The following SH2D4B variants were observed in gnomAD, a reference collection of about 807,000 sequenced individuals.
SH2D4B encodes SH2 domain containing 4B.
SH2D4B carries 45 observed loss-of-function variants against 61.5 expected under a neutral mutation model. That is an observed-to-expected ratio of 0.73 (90% CI 0.58 to 0.94). SH2D4B has a LOEUF of 0.94. Ranked by LOEUF, SH2D4B falls within the 40% of genes least tolerant of loss-of-function variation. The pLI, the probability that SH2D4B is intolerant of heterozygous loss-of-function variation, is 0.00. For missense variants in SH2D4B, 572 were observed against 574.2 expected (o/e 1.00, Z 0.04); for synonymous variants, 224 against 220.4 (o/e 1.02, Z -0.14).
chr10:80,541,038 A>G, intron 1 of SH2D4B: 1 of 840,082 alleles, frequency 1.2e-6, no homozygotes, highest in Non-Finnish European at 2.0e-6. Context: ...GTTAGTGAGA[A>G]GCGAAAGTAC....
intron 6 of SH2D4B, among the ~76,000 whole-genome samples, chr10:80,628,875 C>A (rs1842795630): frequency 6.6e-6 from 1 of 151,736 alleles, no homozygotes; most frequent in African/African-American, 2.4e-5. Context: ...ACTAAAAATA[C>A]AAAAATTAGC....
At chr10:80,545,959 C>G (rs1347119491) in intron 1 of SH2D4B, among the ~76,000 whole-genome samples, 1 of 151,920 alleles carries the variant, frequency 6.6e-6, no homozygotes, top group African/African-American at 2.4e-5. Flanking sequence ...CACCTTTTCA[C>G]TTTTACTTAC....
intron 5 of SH2D4B, among the ~76,000 whole-genome samples, chr10:80,606,431 C>T (rs1003370338): frequency 6.6e-5 from 10 of 152,136 alleles, no homozygotes; most frequent in African/African-American, 2.2e-4. Context: ...ACTGCAACCT[C>T]TGCCTCCCAG....
chr10:80,610,060 C>A (rs2880655), intron 6 of SH2D4B, among the ~76,000 whole-genome samples: 43,911 of 152,052 alleles, frequency 0.29, 7,269 homozygotes, highest in East Asian at 0.57. Flanking sequence ...AAAGCTCTGG[C>A]CTTTTTCCTG....
At chr10:80,607,682 A>G (rs889010215) in intron 5 of SH2D4B, among the ~76,000 whole-genome samples, 1 of 152,260 alleles carries the variant, frequency 6.6e-6, no homozygotes, top group African/African-American at 2.4e-5. Context: ...CACAGTGTCA[A>G]AGTGAGGGTA....
intron 1 of SH2D4B, among the ~76,000 whole-genome samples, chr10:80,560,605 G>A (rs1841891459): frequency 6.7e-6 from 1 of 149,846 alleles, no homozygotes; most frequent in Admixed American, 6.7e-5. Context: ...ACCCAGGCTG[G>A]TCTTGAACTC....
chr10:80,629,668 T>A (rs1415170951), intron 6 of SH2D4B, among the ~76,000 whole-genome samples: 1 of 152,224 alleles, frequency 6.6e-6, no homozygotes, highest in Non-Finnish European at 1.5e-5. Flanking sequence ...GAATACTTAG[T>A]GCATCCAATG....
intron 1 of SH2D4B, chr10:80,541,048 C>A: frequency 1.3e-6 from 1 of 796,100 alleles, no homozygotes; most frequent in Non-Finnish European, 2.1e-6. Flanking sequence ...AGCGAAAGTA[C>A]ACACTTGAGA....
chr10:80,610,592 G>C (rs1250220089), intron 6 of SH2D4B, among the ~76,000 whole-genome samples: 1 of 152,110 alleles, frequency 6.6e-6, no homozygotes, highest in Non-Finnish European at 1.5e-5. Flanking sequence ...AGGCCTCTCT[G>C]TATTCAGCCC....
intron 6 of SH2D4B, among the ~76,000 whole-genome samples, chr10:80,623,623 T>C (rs758575598): frequency 6.6e-6 from 1 of 152,190 alleles, no homozygotes; most frequent in Non-Finnish European, 1.5e-5. Context: ...CCTGTTCTTA[T>C]TTGGAGATTT....
chr10:80,551,399 A>G (rs1841760220), intron 1 of SH2D4B, among the ~76,000 whole-genome samples: 1 of 152,194 alleles, frequency 6.6e-6, no homozygotes, highest in East Asian at 1.9e-4. Context: ...TGCCAAACTT[A>G]AAAAAAGAAT....
intron 6 of SH2D4B, among the ~76,000 whole-genome samples, chr10:80,615,418 G>T (rs1221693390): frequency 6.6e-6 from 1 of 152,356 alleles, no homozygotes; most frequent in South Asian, 2.1e-4. Flanking sequence ...GCCATCCAGG[G>T]ATGGAAACTG....
At chr10:80,622,797 A>G (rs12219619) in intron 6 of SH2D4B, among the ~76,000 whole-genome samples, 14,632 of 152,206 alleles carry the variant, frequency 0.096, 902 homozygotes, top group African/African-American at 0.17. Context: ...CTGTATAGAC[A>G]TTGGTATCAT....
At chr10:80,605,776 C>G (rs1306977561) in intron 5 of SH2D4B, among the ~76,000 whole-genome samples, 1 of 152,222 alleles carries the variant, frequency 6.6e-6, no homozygotes, top group East Asian at 1.9e-4. Context: ...GCCTTGGCCT[C>G]CCAAAGTCCT....
chr10:80,611,452 G>A (rs1286395436), intron 6 of SH2D4B, among the ~76,000 whole-genome samples: 1 of 152,192 alleles, frequency 6.6e-6, no homozygotes, highest in African/African-American at 2.4e-5. Context: ...TGGCTCTTTA[G>A]GGCTCAGAGA....
intron 1 of SH2D4B, among the ~76,000 whole-genome samples, chr10:80,546,560 C>T (rs1260745792): frequency 3.3e-4 from 46 of 141,220 alleles, no homozygotes; most frequent in African/African-American, 1.2e-3. Flanking sequence ...GAGTCTCACT[C>T]TTTTGCCCAG....
chr10:80,559,193 G>T (rs918335543), intron 1 of SH2D4B, among the ~76,000 whole-genome samples: 5 of 151,888 alleles, frequency 3.3e-5, no homozygotes, highest in African/African-American at 9.7e-5. Flanking sequence ...GTCTTCATTT[G>T]TTCCTTCTTC....
At chr10:80,563,866 T>C (rs555216838) in intron 1 of SH2D4B, among the ~76,000 whole-genome samples, 2 of 152,308 alleles carry the variant, frequency 1.3e-5, no homozygotes, top group East Asian at 3.9e-4. Flanking sequence ...CTTAGGAAAA[T>C]TGAGAAAAGG....
chr10:80,608,957 G>A (rs11186263), intron 5 of SH2D4B, among the ~76,000 whole-genome samples: 2 of 152,044 alleles, frequency 1.3e-5, no homozygotes, highest in Admixed American at 6.6e-5. Context: ...ACCCAGAATT[G>A]TTTCTGAGAG....
Sources: allele counts gnomAD v4.1 joint callset (sites outside exome capture counted in the v4.1 genomes callset), GRCh38; gene constraint gnomAD v4.1.1; transcripts MANE v1.5; gene names NCBI Gene and HGNC (gene_info 2026-07-23, HGNC 2026-07-21).